The following MICAL3 variants were observed in gnomAD, a reference collection of about 807,000 sequenced individuals.
MICAL3 encodes the protein microtubule associated monooxygenase, calponin and LIM domain containing 3.
Under a neutral mutation model 207.4 loss-of-function variants are expected in MICAL3, and 62 were observed. That is an observed-to-expected ratio of 0.30 (90% CI 0.24 to 0.37). MICAL3 has a LOEUF of 0.37. Ranked by LOEUF, MICAL3 falls within the 10% of genes least tolerant of loss-of-function variation. MICAL3 has a pLI of 1.00. For missense variants in MICAL3, 2,368 were observed against 2,635.6 expected (o/e 0.90, Z 2.22); for synonymous variants, 1,077 against 1,069.3 (o/e 1.01, Z -0.14).
chr22:17,944,958 T>C (rs985649849), intron 1 of MICAL3, among the ~76,000 whole-genome samples: 2 of 150,900 alleles, frequency 1.3e-5, no homozygotes, highest in Non-Finnish European at 2.9e-5. Context: ...ATAATAAATA[T>C]ACTATCAAAT....
chr22:17,849,511 T>G (rs1925009674), intron 19 of MICAL3, among the ~76,000 whole-genome samples: 1 of 151,520 alleles, frequency 6.6e-6, no homozygotes, highest in Non-Finnish European at 1.5e-5. Flanking sequence ...ATTTTTGAAT[T>G]TTTTTTAGAA....
At chr22:17,924,288 C>T (rs910846344) in intron 1 of MICAL3, among the ~76,000 whole-genome samples, 1 of 152,208 alleles carries the variant, frequency 6.6e-6, no homozygotes, top group African/African-American at 2.4e-5. Flanking sequence ...TCAAGCTCCA[C>T]AGACTCCAAC....
chr22:17,875,215 AT>A (rs1350203690), intron 16 of MICAL3: 2 of 307,516 alleles, frequency 6.5e-6, no homozygotes, highest in African/African-American at 4.4e-5. Context: ...ACAGACCTGG[AT>A]GTGTCAGATA....
chr22:18,011,732 C>CA (rs57778619), intron 1 of MICAL3, among the ~76,000 whole-genome samples: 16,830 of 144,286 alleles, frequency 0.12, 1,036 homozygotes, highest in South Asian at 0.19. Flanking sequence ...ATTAAATATA[C>CA]AAAAAAAAAA....
chr22:17,833,275 T>C (rs1023542516), intron 20 of MICAL3, among the ~76,000 whole-genome samples: 3 of 151,858 alleles, frequency 2.0e-5, no homozygotes, highest in Non-Finnish European at 4.4e-5. Flanking sequence ...CGTGGTCTGA[T>C]AATTCCCAAA....
At chr22:17,840,315 C>T (rs1923883765) in intron 20 of MICAL3, 1 of 152,212 alleles carries the variant, frequency 6.6e-6, no homozygotes, top group Non-Finnish European at 1.5e-5. Flanking sequence ...TGGTCTTGAA[C>T]TCCTGACCTT....
chr22:17,884,278 T>C (rs1240688900), intron 16 of MICAL3: 3 of 1,588,328 alleles, frequency 1.9e-6, no homozygotes, highest in South Asian at 1.1e-5. Flanking sequence ...CCTTTACCTG[T>C]TTCCACCGGG....
chr22:17,985,153 C>G (rs1936095097), intron 1 of MICAL3, among the ~76,000 whole-genome samples: 1 of 152,158 alleles, frequency 6.6e-6, no homozygotes, highest in African/African-American at 2.4e-5. Flanking sequence ...AAGAGTGTTT[C>G]AGGGAGGGGG....
intron 20 of MICAL3, among the ~76,000 whole-genome samples, chr22:17,836,770 G>A (rs142221352): frequency 0.012 from 1,882 of 151,744 alleles, 38 homozygotes; most frequent in African/African-American, 0.043. Flanking sequence ...TCAGCCTCTC[G>A]AGCAGCTGGG....
At chr22:17,931,929 A>C (rs944572624) in intron 1 of MICAL3, among the ~76,000 whole-genome samples, 6 of 152,210 alleles carry the variant, frequency 3.9e-5, no homozygotes, top group Admixed American at 6.5e-5. Context: ...CCGTGCTTGC[A>C]ATTAAACTTA....
Position 17,818,800 on chromosome 22 carries a change from G to C in MICAL3, c.3861C>G (p.Ala1287=). ...QSPIRFQPAP[A]KTSTPLAPLP... ...GAGGGGCCAGTGGGGTGGATGTTTT[G>C]GCCGGGGCAGGCTGGAAGCGTATGG... Residue 1287 remains alanine, a synonymous_variant, in exon 26 of 32, where the codon GCC becomes GCG. Coordinates refer to ENST00000441493, the MANE Select transcript of MICAL3 (RefSeq NM_015241.3). 1.3e-6 allele frequency: 2 copies of C among 1,571,450 alleles called. No homozygotes were observed. The highest frequency in any genetic ancestry group is 1.7e-6 in the Non-Finnish European group (2 of 1,154,574).
rs117346768 is a variant in MICAL3, at chr22:18,018,379, T to C, written c.-75+5902A>G. 4.5e-3 allele frequency among the ~76,000 whole-genome samples: 693 copies of C among 152,340 alleles called. 1 individual carries two copies. Among genetic ancestry groups the C allele is most frequent in the Non-Finnish European group, 5.8e-3 (395 of 68,042 alleles). ...GACTTTAAAAGTTTCTTGACCATGA[T>C]TCATAATAAGAAATATATTTTGCAT... On this transcript the variant is annotated intron_variant, in intron 1 of 31. Coordinates refer to ENST00000441493, the MANE Select transcript of MICAL3 (RefSeq NM_015241.3).
intron 1 of MICAL3, among the ~76,000 whole-genome samples, chr22:17,915,658 C>T (rs1932449010): frequency 1.3e-5 from 2 of 152,132 alleles, no homozygotes; most frequent in African/African-American, 2.4e-5. Flanking sequence ...AAATACACTG[C>T]AGTCAAGGCT....
chr22:17,870,582 C>G (rs1426691454), intron 17 of MICAL3, among the ~76,000 whole-genome samples: 3 of 152,170 alleles, frequency 2.0e-5, no homozygotes, highest in African/African-American at 7.2e-5. Context: ...CGGGCAGACT[C>G]CACGGTGAGA....
In MICAL3 at chr22:17,788,313, T is replaced by G. The variant is rs1050014653; in HGVS notation, c.*2419A>C. ...CCACCTTCCAGACTGCAGGCTGCCG[T>G]GTGTGCTGTGGAGGATGCCACAGTG... On this transcript the variant is annotated 3_prime_UTR_variant, in exon 32 of 32. Transcript: ENST00000441493. 2 of 152,200 alleles carry G rather than the reference T, an allele frequency of 1.3e-5. No individual in the cohort carries two copies. Among genetic ancestry groups the G allele is most frequent in the South Asian group, 4.1e-4 (2 of 4,832 alleles). The allele number at this position is 152,200 out of a possible 1,614,324, so 9.4% of individuals were successfully genotyped here.
intron 1 of MICAL3, among the ~76,000 whole-genome samples, chr22:17,933,715 G>C (rs1933381143): frequency 1.3e-5 from 2 of 151,996 alleles, no homozygotes; most frequent in Admixed American, 6.6e-5. Flanking sequence ...CAACAAAATT[G>C]ATAGAGCACT....
intron 11 of MICAL3, among the ~76,000 whole-genome samples, chr22:17,892,884 A>C (rs1198984629): frequency 1.3e-5 from 2 of 151,998 alleles, no homozygotes; most frequent in East Asian, 3.9e-4. Flanking sequence ...ATCTACAAAC[A>C]CCTACCTCTT....
At chr22:17,939,348 GA>G (rs1184488598) in intron 1 of MICAL3, among the ~76,000 whole-genome samples, 1 of 152,222 alleles carries the variant, frequency 6.6e-6, no homozygotes, top group Non-Finnish European at 1.5e-5. Context: ...GTGGGTCAGG[GA>G]ACAGGGCCTG....
intron 25 of MICAL3, 21 bp downstream of exon 25, chr22:17,821,406 C>G (rs187484051): frequency 2.6e-6 from 4 of 1,537,890 alleles, no homozygotes; most frequent in African/African-American, 2.8e-5. Flanking sequence ...CTGTACCCCA[C>G]AGCGAGCCCC....
Sources: allele counts gnomAD v4.1 joint callset (sites outside exome capture counted in the v4.1 genomes callset), GRCh38; gene constraint gnomAD v4.1.1; transcripts MANE v1.5; gene names NCBI Gene and HGNC (gene_info 2026-07-23, HGNC 2026-07-21).